Variants in ITGA8 observed in about 807,000 individuals in gnomAD.
ITGA8 encodes integrin subunit alpha 8.
ITGA8 carries 91 observed loss-of-function variants against 142.3 expected under a neutral mutation model. That is an observed-to-expected ratio of 0.64 (90% CI 0.54 to 0.76). The LOEUF is 0.76. ITGA8 is among the 30% of genes least tolerant of loss of function. The pLI is 0.00. For missense variants in ITGA8, 1,406 were observed against 1,327.7 expected (o/e 1.06, Z -0.92); for synonymous variants, 505 against 485.2 (o/e 1.04, Z -0.54).
chr10:15,639,959 T>TA (rs35518137), intron 13 of ITGA8, among the ~76,000 whole-genome samples: 141,646 of 152,210 alleles, frequency 0.93, 66,588 homozygotes, highest in Non-Finnish European at 1. Context: ...ATCTGTGTTG[T>TA]GCAAACCCTT....
chr10:15,618,232 T>TA (rs67954052), intron 13 of ITGA8, among the ~76,000 whole-genome samples: 1 of 151,602 alleles, frequency 6.6e-6, no homozygotes, highest in Non-Finnish European at 1.5e-5. Context: ...AAAATAAATT[T>TA]AAAAAAAGAA....
intron 10 of ITGA8, among the ~76,000 whole-genome samples, chr10:15,655,892 C>A (rs1172920681): frequency 2.0e-5 from 3 of 152,088 alleles, no homozygotes; most frequent in Non-Finnish European, 4.4e-5. Context: ...TCAAGACCAA[C>A]CCTGGCAATA....
chr10:15,569,695 C>G (rs768188978), intron 25 of ITGA8, among the ~76,000 whole-genome samples: 1 of 152,158 alleles, frequency 6.6e-6, no homozygotes, highest in Admixed American at 6.5e-5. Flanking sequence ...CTACAAACAT[C>G]GCTGTGCCTG....
chr10:15,640,682 C>T (rs886397064), intron 13 of ITGA8, among the ~76,000 whole-genome samples: 1 of 152,156 alleles, frequency 6.6e-6, no homozygotes, highest in South Asian at 2.1e-4. Context: ...TGGAAACTGG[C>T]AACAGCTAAG....
chr10:15,567,431 T>C (rs1324168493), intron 25 of ITGA8, among the ~76,000 whole-genome samples: 3 of 152,306 alleles, frequency 2.0e-5, no homozygotes, highest in East Asian at 3.9e-4. Flanking sequence ...TCTAATGGAT[T>C]GCTTTGGATG....
intron 12 of ITGA8, among the ~76,000 whole-genome samples, chr10:15,644,925 C>T (rs1379284579): frequency 6.6e-6 from 1 of 151,428 alleles, no homozygotes. Flanking sequence ...AACCCCATCT[C>T]TACTAAAAAT....
Position 15,603,366 on chromosome 10 carries a change from C to T in ITGA8, c.2118+842G>A, listed in dbSNP as rs140139078. On this transcript the variant is annotated intron_variant, in intron 20 of 29. Coordinates refer to ENST00000378076, the MANE Select transcript of ITGA8 (RefSeq NM_003638.3). ...TTTGGAAACTAGTAGACATTTAATA[C>T]ATTTAAGCTAAATGAACAATGCTAT... Among the ~76,000 whole-genome samples, 15 of 152,270 alleles carry T rather than the reference C, an allele frequency of 9.9e-5. 1 individual carries two copies. In the East Asian group the frequency reaches 2.9e-3, roughly 29 times the overall value.
intron 13 of ITGA8, among the ~76,000 whole-genome samples, chr10:15,624,721 T>C (rs1482093658): frequency 6.6e-6 from 1 of 152,186 alleles, no homozygotes; most frequent in African/African-American, 2.4e-5. Context: ...CCAAATATTT[T>C]AAAGACGAAC....
intron 6 of ITGA8, among the ~76,000 whole-genome samples, chr10:15,674,914 T>C (rs1302362058): frequency 6.8e-6 from 1 of 146,686 alleles, no homozygotes; most frequent in Non-Finnish European, 1.5e-5. Context: ...TACTCCAACC[T>C]GGGCAACAAA....
At chr10:15,667,419 A>G (rs900862087) in intron 8 of ITGA8, among the ~76,000 whole-genome samples, 1 of 151,182 alleles carries the variant, frequency 6.6e-6, no homozygotes, top group Admixed American at 6.6e-5. Flanking sequence ...TTTCTTCTTT[A>G]TTAGTCTTGC....
chr10:15,647,117 A>G, intron 11 of ITGA8, 66 bp from the exon 12 acceptor site: 1 of 1,183,122 alleles, frequency 8.5e-7, no homozygotes, highest in Non-Finnish European at 1.3e-6. Flanking sequence ...GGTTATTTGT[A>G]ATCAACTAGA....
chr10:15,531,941 G>C (rs1833307794), intron 27 of ITGA8, among the ~76,000 whole-genome samples: 1 of 147,888 alleles, frequency 6.8e-6, no homozygotes, highest in Admixed American at 7.0e-5. Context: ...TCAAAACTCT[G>C]TCTCAAAAAG....
chr10:15,525,763 T>G (rs1833162011), intron 28 of ITGA8, among the ~76,000 whole-genome samples: 1 of 152,038 alleles, frequency 6.6e-6, no homozygotes, highest in African/African-American at 2.4e-5. Context: ...AGTATTATCC[T>G]TTCAACATGT....
chr10:15,698,709 TC>T (rs1267179545), intron 2 of ITGA8, among the ~76,000 whole-genome samples: 1 of 152,208 alleles, frequency 6.6e-6, no homozygotes, highest in Non-Finnish European at 1.5e-5. Flanking sequence ...TTGTATATCT[TC>T]TTTTGAGAAT....
At chr10:15,560,234 A>G (rs928073206) in intron 25 of ITGA8, among the ~76,000 whole-genome samples, 2 of 152,180 alleles carry the variant, frequency 1.3e-5, no homozygotes, top group African/African-American at 4.8e-5. Context: ...AGCTACGATC[A>G]TGCCACTGAA....
At chr10:15,589,229 T>G (rs1330212180) in intron 22 of ITGA8, among the ~76,000 whole-genome samples, 1 of 152,200 alleles carries the variant, frequency 6.6e-6, no homozygotes, top group African/African-American at 2.4e-5. Flanking sequence ...TTTTCCTTAC[T>G]ATTTCCTATT....
At chr10:15,573,606 C>G (rs1834228523) in intron 24 of ITGA8, among the ~76,000 whole-genome samples, 1 of 152,078 alleles carries the variant, frequency 6.6e-6, no homozygotes, top group African/African-American at 2.4e-5. Context: ...GAGGCATCTT[C>G]CCTACGTTTG....
In ITGA8 at chr10:15,515,784, A is replaced by G. The variant is rs529713761; in HGVS notation, c.*1374T>C. ...TCAATTTTACTTCAAAAATGATAAT[A>G]TTACAAGATTATGAATTATTTACAA... On this transcript the variant is annotated 3_prime_UTR_variant, in exon 30 of 30. Coordinates refer to ENST00000378076, the MANE Select transcript of ITGA8 (RefSeq NM_003638.3). The G allele has an allele frequency of 1.2e-4, 18 of 152,330 alleles. No individual in the cohort carries two copies. In the South Asian group the frequency reaches 3.7e-3, roughly 32 times the overall value. 9.4% of individuals were successfully genotyped at this position (152,330 alleles called of 1,614,324 possible). A position where few individuals can be genotyped will look rare whatever the true frequency, so the allele number is the denominator to read the frequency against.
chr10:15,533,246 T>C lies in ITGA8; in HGVS notation c.2881-2095A>G, dbSNP rs1833348934. ...GGCAGGACATAGTATGTAACTTTTATATACTTAAAGTTACAATATCTTTGA... is the reference window on the plus strand; with the variant it reads ...GGCAGGACATAGTATGTAACTTTTACATACTTAAAGTTACAATATCTTTGA... On this transcript the variant is annotated intron_variant, in intron 27 of 29. Transcript: ENST00000378076. 2.0e-5 allele frequency among the ~76,000 whole-genome samples: 3 copies of C among 152,370 alleles called. No homozygotes were observed. In the South Asian group the frequency reaches 6.2e-4, roughly 32 times the overall value.
Sources: allele counts gnomAD v4.1 joint callset (sites outside exome capture counted in the v4.1 genomes callset), GRCh38; gene constraint gnomAD v4.1.1; transcripts MANE v1.5; gene names NCBI Gene and HGNC (gene_info 2026-07-23, HGNC 2026-07-21).